The following WWOX variants were observed in gnomAD, a reference collection of about 807,000 sequenced individuals.
WWOX encodes the protein WW domain-containing oxidoreductase.
WWOX carries 69 observed loss-of-function variants against 46.2 expected under a neutral mutation model. The ratio of observed to expected loss-of-function variants is 1.49; its 90% CI spans 1.23 to 1.82. The LOEUF (loss-of-function observed/expected upper bound fraction) is 1.82. Among genes scored for constraint, WWOX ranks in the 40% most tolerant of loss-of-function variants. The probability of loss-of-function intolerance (pLI) is 0.00; values close to 1 mark genes in which losing one functional copy is unlikely to be tolerated. For missense variants in WWOX, 919 were observed against 542.6 expected (o/e 1.69, Z -6.89); for synonymous variants, 359 against 202.6 (o/e 1.77, Z -6.56).
At chr16:78,629,004 C>G (rs2151655864) in intron 8 of WWOX, among the ~76,000 whole-genome samples, 1 of 152,250 alleles carries the variant, frequency 6.6e-6, no homozygotes. Context: ...ATAAGTATTC[C>G]CTTGAACCCG....
At chr16:79,116,810 C>A (rs2049525332) in intron 8 of WWOX, among the ~76,000 whole-genome samples, 1 of 151,820 alleles carries the variant, frequency 6.6e-6, no homozygotes, top group Admixed American at 6.6e-5. Context: ...TGAATCCTTT[C>A]TAGAAGATTT....
intron 8 of WWOX, among the ~76,000 whole-genome samples, chr16:79,031,921 TATATAGATATCTGTA>T (rs2047768669): frequency 1.6e-5 from 1 of 60,694 alleles, no homozygotes; most frequent in Non-Finnish European, 4.3e-5. Context: ...GATATCTATA[TATATAGATATCTGTA>T]TACAGATATC....
chr16:78,360,357 G>T (rs997131539), intron 5 of WWOX, among the ~76,000 whole-genome samples: 1 of 152,014 alleles, frequency 6.6e-6, no homozygotes, highest in Admixed American at 6.6e-5. Context: ...AGGCCGAAGC[G>T]GGCTGATCCC....
At chr16:78,612,341 A>C (rs2045921244) in intron 8 of WWOX, among the ~76,000 whole-genome samples, 1 of 152,252 alleles carries the variant, frequency 6.6e-6, no homozygotes, top group African/African-American at 2.4e-5. Context: ...TTGTGTCCAT[A>C]CATTTGATGG....
chr16:78,150,776 C>G (rs574928184), intron 4 of WWOX, among the ~76,000 whole-genome samples: 1 of 152,334 alleles, frequency 6.6e-6, no homozygotes, highest in Admixed American at 6.5e-5. Context: ...CCCTCCTCTT[C>G]CCCCAAGGCG....
chr16:79,050,201 C>T (rs1193459142), intron 8 of WWOX, among the ~76,000 whole-genome samples: 3 of 152,180 alleles, frequency 2.0e-5, no homozygotes, highest in African/African-American at 7.2e-5. Flanking sequence ...CTTGGCTGCC[C>T]TGCCCTACTG....
At chr16:78,911,622 T>C (rs2045113890) in intron 8 of WWOX, among the ~76,000 whole-genome samples, 1 of 151,906 alleles carries the variant, frequency 6.6e-6, no homozygotes, top group African/African-American at 2.4e-5. Flanking sequence ...TCCCAACACT[T>C]TGGGAAGCTG....
chr16:78,782,595 T>G lies in WWOX; in HGVS notation c.1056+349843T>G, dbSNP rs999800975. On this transcript the variant is annotated intron_variant, in intron 8 of 8. Transcript: ENST00000566780. ...CCACCAGCCAAAGAGGATTCCATCT[T>G]TATTCTCCTCCCAAATGCAGGCTCC... Among the ~76,000 whole-genome samples the G allele has an allele frequency of 2.6e-5, 4 of 152,238 alleles. 1 individual carries two copies. The highest frequency in any genetic ancestry group is 9.6e-5 in the African/African-American group (4 of 41,556).
At chr16:78,979,210 A>G (rs1368154676) in intron 8 of WWOX, among the ~76,000 whole-genome samples, 2 of 151,596 alleles carry the variant, frequency 1.3e-5, no homozygotes, top group East Asian at 3.9e-4. Context: ...AATTCACATT[A>G]TTAGAGAACA....
chr16:78,445,303 T>C (rs575043975), intron 8 of WWOX, among the ~76,000 whole-genome samples: 2 of 152,276 alleles, frequency 1.3e-5, no homozygotes, highest in African/African-American at 4.8e-5. Context: ...AGAAGGGCGC[T>C]CACCTCAGTA....
chr16:78,411,664 T>C (rs1234486000), intron 6 of WWOX, among the ~76,000 whole-genome samples: 2 of 152,192 alleles, frequency 1.3e-5, no homozygotes, highest in East Asian at 1.9e-4. Context: ...GAATAGTATT[T>C]TAATAAGTTT....
Position 78,838,948 on chromosome 16 carries a change from A to C in WWOX, c.1057-372660A>C, listed in dbSNP as rs990062958. 1.1e-4 allele frequency among the ~76,000 whole-genome samples: 17 copies of C among 152,094 alleles called. 1 individual carries two copies. The highest frequency in any genetic ancestry group is 1.1e-3 in the Admixed American group (17 of 15,266). ...GAACCAGAGTGGATTTAAAACAGCA[A>C]CTGGAGGATCCTGGTATAGATGGAA... On this transcript the variant is annotated intron_variant, in intron 8 of 8. Coordinates refer to ENST00000566780, the MANE Select transcript of WWOX (RefSeq NM_016373.4).
intron 8 of WWOX, among the ~76,000 whole-genome samples, chr16:79,157,293 T>A (rs1419493120): frequency 6.6e-6 from 1 of 152,068 alleles, no homozygotes; most frequent in Admixed American, 6.6e-5. Context: ...AGAAAACTGA[T>A]CTTTTTCTGA....
At chr16:78,320,323 G>A (rs934694718) in intron 5 of WWOX, among the ~76,000 whole-genome samples, 11 of 152,070 alleles carry the variant, frequency 7.2e-5, no homozygotes, top group Non-Finnish European at 1.3e-4. Context: ...TATCCCCTTC[G>A]GTGTAGGTTG....
chr16:78,723,602 C>CTT (rs1423045476), intron 8 of WWOX, among the ~76,000 whole-genome samples: 257 of 25,018 alleles, frequency 0.01, 8 homozygotes, highest in African/African-American at 0.047. Flanking sequence ...CTTTTCTTTT[C>CTT]TTTTCTTTTC....
At chr16:78,323,124 T>G (rs369827661) in intron 5 of WWOX, among the ~76,000 whole-genome samples, 2 of 152,196 alleles carry the variant, frequency 1.3e-5, no homozygotes, top group African/African-American at 4.8e-5. Context: ...GTTTGTTTGT[T>G]TGAGACGGAG....
chr16:78,888,627 C>G (rs1006608454), intron 8 of WWOX, among the ~76,000 whole-genome samples: 4 of 152,108 alleles, frequency 2.6e-5, no homozygotes, highest in East Asian at 1.9e-4. Context: ...TCCCTGCTGA[C>G]CGAGCCAGAA....
chr16:78,431,149 C>A (rs896142102), intron 7 of WWOX, among the ~76,000 whole-genome samples: 1 of 152,120 alleles, frequency 6.6e-6, no homozygotes, highest in Non-Finnish European at 1.5e-5. Flanking sequence ...GAGAAAGAGA[C>A]AAACGGAAAG....
At chr16:78,917,522 C>G (rs1209258942) in intron 8 of WWOX, among the ~76,000 whole-genome samples, 2 of 151,850 alleles carry the variant, frequency 1.3e-5, no homozygotes, top group African/African-American at 4.8e-5. Flanking sequence ...TTCATGAAGT[C>G]AACAAAATGG....
Sources: allele counts gnomAD v4.1 joint callset (sites outside exome capture counted in the v4.1 genomes callset), GRCh38; gene constraint gnomAD v4.1.1; transcripts MANE v1.5; gene names NCBI Gene and HGNC (gene_info 2026-07-23, HGNC 2026-07-21).